The following ITGB5 variants were observed in gnomAD, a reference collection of about 807,000 sequenced individuals.
ITGB5 encodes the protein integrin subunit beta 5, also known as integrin beta-5.
Under a neutral mutation model 84.8 loss-of-function variants are expected in ITGB5, and 38 were observed. That is an observed-to-expected ratio of 0.45 (90% CI 0.35 to 0.59). ITGB5 has a LOEUF of 0.59. Among genes scored for constraint, ITGB5 ranks in the 20% least tolerant of loss-of-function variants. The probability of loss-of-function intolerance (pLI) is 0.01; values close to 1 mark genes in which losing one functional copy is unlikely to be tolerated. For missense variants in ITGB5, 905 were observed against 1,034.5 expected, an observed-to-expected ratio of 0.87 and a Z score of 1.72; for synonymous variants, 393 against 414.4, an observed-to-expected ratio of 0.95 and a Z score of 0.63.
chr3:124,857,741 C>T (rs2065239003), intron 3 of ITGB5, among the ~76,000 whole-genome samples: 1 of 152,166 alleles, frequency 6.6e-6, no homozygotes, highest in South Asian at 2.1e-4. Flanking sequence ...AAGTGGTGAA[C>T]TAGAAACAGC....
At position 124,762,695 on chromosome 3, in the gene ITGB5, A is replaced by ACACGGGAGGGAGAC. The variant is rs2063711585; in HGVS notation, c.*927_*928insGTCTCCCTCCCGTG. ...CTATTTCCAGCCTCAGCCCCTCAGA[A>ACACGGGAGGGAGAC]CAAGGGGTGGTTTTTATGGTGTCTA... On this transcript the variant is annotated 3_prime_UTR_variant, in exon 15 of 15. Coordinates refer to ENST00000296181, the MANE Select transcript of ITGB5 (RefSeq NM_002213.5). 1 of 151,626 alleles carries ACACGGGAGGGAGAC rather than the reference A, an allele frequency of 6.6e-6. No homozygotes were observed. The allele number at this position is 151,626 out of a possible 1,614,324, so 9.4% of individuals were successfully genotyped here. A position where few individuals can be genotyped will look rare whatever the true frequency, so the allele number is the denominator to read the frequency against.
intron 3 of ITGB5, among the ~76,000 whole-genome samples, chr3:124,855,380 G>A (rs2065209654): frequency 1.3e-5 from 2 of 151,990 alleles, no homozygotes. Context: ...GAGTCAGGGG[G>A]GAGATACCCT....
chr3:124,898,242 T>A (rs1232413084), intron 1 of ITGB5, among the ~76,000 whole-genome samples: 1 of 150,364 alleles, frequency 6.7e-6, no homozygotes, highest in African/African-American at 2.4e-5. Context: ...AACTTGAGAC[T>A]GTGGATAACA....
chr3:124,762,078 T>A lies in ITGB5; in HGVS notation c.*1545A>T, dbSNP rs2063705370. 1 of 152,190 alleles carries A rather than the reference T, an allele frequency of 6.6e-6. No individual in the cohort carries two copies. Among genetic ancestry groups the A allele is most frequent in the African/African-American group, 2.4e-5 (1 of 41,440 alleles). 9.4% of individuals were successfully genotyped at this position (152,190 alleles called of 1,614,324 possible). ...TTAACAGTGTCACCAAGTTACCAGGTCTCTGTTTCATCATATTTACACAAG... is the reference window on the plus strand; with the variant it reads ...TTAACAGTGTCACCAAGTTACCAGGACTCTGTTTCATCATATTTACACAAG... On this transcript the variant is annotated 3_prime_UTR_variant, in exon 15 of 15. Transcript: ENST00000296181.
intron 10 of ITGB5, among the ~76,000 whole-genome samples, chr3:124,785,024 G>A (rs536489902): frequency 2.4e-4 from 37 of 152,330 alleles, no homozygotes; most frequent in South Asian, 2.3e-3. Flanking sequence ...TGGCTGCCGG[G>A]ACCCCAGTCA....
chr3:124,808,032 G>C (rs964342596), intron 9 of ITGB5, among the ~76,000 whole-genome samples: 1 of 149,802 alleles, frequency 6.7e-6, no homozygotes, highest in African/African-American at 2.5e-5. Flanking sequence ...TGAAGGCAGG[G>C]ATGGGAGAGG....
intron 10 of ITGB5, among the ~76,000 whole-genome samples, chr3:124,779,191 G>C (rs549064876): frequency 2.6e-5 from 4 of 152,044 alleles, no homozygotes; most frequent in African/African-American, 9.6e-5. Flanking sequence ...CACAGGGAAA[G>C]GCAAGGCACC....
upstream of ITGB5, among the ~76,000 whole-genome samples, chr3:124,888,511 C>T (rs893274770): frequency 1.3e-5 from 2 of 152,172 alleles, no homozygotes; most frequent in Non-Finnish European, 2.9e-5. Context: ...AGGCGACATT[C>T]AGGTAGGGGA....
intron 3 of ITGB5, among the ~76,000 whole-genome samples, chr3:124,851,764 T>C (rs1204578051): frequency 1.3e-5 from 2 of 152,108 alleles, no homozygotes; most frequent in Non-Finnish European, 2.9e-5. Context: ...GAGGGTTTAT[T>C]GCTGCCTCTA....
At chr3:124,818,035 C>T (rs1249310637) in intron 7 of ITGB5, among the ~76,000 whole-genome samples, 1 of 151,994 alleles carries the variant, frequency 6.6e-6, no homozygotes, top group African/African-American at 2.4e-5. Context: ...CTTCTAAGGT[C>T]GACAGCTCCT....
At chr3:124,887,548 G>C (rs1044947106), upstream of ITGB5, 13 of 269,216 alleles carry the variant, frequency 4.8e-5, no homozygotes, top group Non-Finnish European at 8.6e-5. Context: ...GCGGGGACCG[G>C]CCCGGGACGC....
At chr3:124,778,939 C>T (rs1401665737) in intron 10 of ITGB5, among the ~76,000 whole-genome samples, 2 of 152,042 alleles carry the variant, frequency 1.3e-5, no homozygotes, top group Admixed American at 6.6e-5. Flanking sequence ...AGGGTGTGGG[C>T]TGGAGCTCAG....
rs570881800 is a variant in ITGB5 at position 124,779,951 on chromosome 3, A to C, written c.1694-6039T>G. ...TGCCCAGTCGGAAGCAAGAACAGCCAGGACTGACAACACCCAGAGCCTGAG... is the reference window on the plus strand; with the variant it reads ...TGCCCAGTCGGAAGCAAGAACAGCCCGGACTGACAACACCCAGAGCCTGAG... On this transcript the variant is annotated intron_variant, in intron 10 of 14. Coordinates refer to ENST00000296181, the MANE Select transcript of ITGB5 (RefSeq NM_002213.5). Among the ~76,000 whole-genome samples the C allele has an allele frequency of 2.3e-4, 35 of 152,320 alleles. No individual in the cohort carries two copies. The South Asian group carries it at 7.2e-3, about 32-fold the overall frequency.
chr3:124,816,525 T>C (rs2064597431), intron 8 of ITGB5, among the ~76,000 whole-genome samples: 1 of 152,220 alleles, frequency 6.6e-6, no homozygotes, highest in Non-Finnish European at 1.5e-5. Context: ...TGAATGCCAA[T>C]TTAGAAATTA....
chr3:124,796,165 T>C (rs1196653036), intron 10 of ITGB5, among the ~76,000 whole-genome samples: 1 of 152,210 alleles, frequency 6.6e-6, no homozygotes, highest in Non-Finnish European at 1.5e-5. Flanking sequence ...GCCCCTCGAA[T>C]TCTGAGAGTC....
chr3:124,861,527 C>CACACACACAG (rs1483217093), intron 2 of ITGB5, among the ~76,000 whole-genome samples: 1 of 135,560 alleles, frequency 7.4e-6, no homozygotes, highest in Non-Finnish European at 1.6e-5. Flanking sequence ...CACACACACA[C>CACACACACAG]AGAGAGATAC....
At chr3:124,786,776 T>G (rs2064087621) in intron 10 of ITGB5, among the ~76,000 whole-genome samples, 1 of 152,208 alleles carries the variant, frequency 6.6e-6, no homozygotes, top group Non-Finnish European at 1.5e-5. Flanking sequence ...CATCCAGACC[T>G]GCCCCACCTC....
In ITGB5 at chr3:124,764,529, G is replaced by A; in HGVS notation, c.2166C>T (p.Thr722=). 1.9e-6 allele frequency: 3 copies of A among 1,613,672 alleles called. No homozygotes were observed. The highest frequency in any genetic ancestry group is 2.5e-6 in the Non-Finnish European group (3 of 1,179,706). ...TGCTACCGACCACAGCCAGGAGGAT[G>A]GTCATGGCGTTGGGGGTGTTTCCAC... ...PECGNTPNAM[T]ILLAVVGSIL... The change falls in exon 14 of 15, where the codon ACC becomes ACT. Residue 722 remains threonine, a synonymous_variant. Coordinates refer to ENST00000296181, the MANE Select transcript of ITGB5 (RefSeq NM_002213.5).
chr3:124,804,549 AAAAATAAAAT>A (rs59075905), intron 9 of ITGB5, among the ~76,000 whole-genome samples: 5 of 152,086 alleles, frequency 3.3e-5, no homozygotes, highest in Admixed American at 6.5e-5. Context: ...CCCTGTCTCT[AAAAATAAAAT>A]AAAATAAAAT....
Sources: allele counts gnomAD v4.1 joint callset (sites outside exome capture counted in the v4.1 genomes callset), GRCh38; gene constraint gnomAD v4.1.1; transcripts MANE v1.5; gene names NCBI Gene and HGNC (gene_info 2026-07-23, HGNC 2026-07-21).